FUT8: variants seen among roughly 807,000 people sequenced by gnomAD.
The protein encoded by FUT8 is fucosyltransferase 8, also known as alpha-(1,6)-fucosyltransferase.
A neutral mutation model predicts 71.3 loss-of-function variants in FUT8; 29 were observed. The ratio of observed to expected loss-of-function variants is 0.41; its 90% CI spans 0.30 to 0.55. FUT8 has a LOEUF of 0.55. Among genes scored for constraint, FUT8 ranks in the 20% least tolerant of loss-of-function variants. FUT8 has a pLI of 0.34. For missense variants in FUT8, 544 were observed against 702.1 expected (o/e 0.77, Z 2.55); for synonymous variants, 254 against 239.3 (o/e 1.06, Z -0.57).
intron 2 of FUT8, among the ~76,000 whole-genome samples, chr14:65,506,911 TACACTGAC>T (rs1221152183): frequency 6.6e-6 from 1 of 152,206 alleles, no homozygotes; most frequent in African/African-American, 2.4e-5. Context: ...ATGAATAAAG[TACACTGAC>T]ACACAGATAT....
At chr14:65,719,776 C>G (rs2139345432) in intron 7 of FUT8, among the ~76,000 whole-genome samples, 1 of 152,336 alleles carries the variant, frequency 6.6e-6, no homozygotes, top group Admixed American at 6.5e-5. Context: ...AGCAGAGACT[C>G]TTGTTCTCTT....
intron 3 of FUT8, among the ~76,000 whole-genome samples, chr14:65,565,383 CTTTT>C (rs757245557): frequency 6.9e-6 from 1 of 145,450 alleles, no homozygotes; most frequent in Non-Finnish European, 1.5e-5. Context: ...AGATATATCA[CTTTT>C]TTTTTTTTAA....
At position 65,621,907 on chromosome 14, in the gene FUT8, C is replaced by T. The variant is rs552703441; in HGVS notation, c.482+5534C>T. On this transcript the variant is annotated intron_variant, in intron 5 of 10. Transcript: ENST00000673929. Reference sequence around the variant, plus strand: ...TGGCACGATCTTGGCTCACTGCAACCTCCGCCTCCCAGGTTCAAGCAATTC... The same window carrying T: ...TGGCACGATCTTGGCTCACTGCAACTTCCGCCTCCCAGGTTCAAGCAATTC... Among the ~76,000 whole-genome samples the T allele has an allele frequency of 4.6e-5, 7 of 152,238 alleles. No homozygotes were observed. The East Asian group carries it at 1.4e-3, about 29-fold the overall frequency.
rs114754736 is a variant in FUT8, at chr14:65,509,304, G to A, written c.-227-52033G>A. 6.9e-3 allele frequency among the ~76,000 whole-genome samples: 1,044 copies of A among 152,136 alleles called. 10 individuals carry two copies. The highest frequency in any genetic ancestry group is 0.024 in the African/African-American group (992 of 41,520). ...GTGCCTGTTTTTATGCCAGTACCAT[G>A]TTGTTTTGTTTATTATAGCTCTGTA... is the stretch of plus-strand genomic sequence containing the variant. On this transcript the variant is annotated intron_variant, in intron 2 of 10. Transcript: ENST00000673929.
intron 7 of FUT8, among the ~76,000 whole-genome samples, chr14:65,674,480 A>T (rs575821007): frequency 1.3e-5 from 2 of 152,342 alleles, no homozygotes; most frequent in East Asian, 3.9e-4. Context: ...TTTTATTCTG[A>T]GATGAAAATC....
At position 65,722,041 on chromosome 14, in the gene FUT8, C is replaced by T. The variant is rs1895443633; in HGVS notation, c.1082+20C>T. ...TATTGGGTAAGAATCTGATTTTTTC[C>T]CTCAAACTGTGATATGTAGTAGTTA... is the stretch of plus-strand genomic sequence containing the variant. On this transcript the variant is annotated intron_variant, in intron 8 of 10. Transcript: ENST00000673929. 6.2e-7 allele frequency: 1 copy of T among 1,612,012 alleles called. No homozygotes were observed. The highest frequency in any genetic ancestry group is 8.5e-7 in the Non-Finnish European group (1 of 1,179,666).
chr14:65,402,496 G>A, the FUT8 span, among the ~76,000 whole-genome samples: 8 of 151,088 alleles, frequency 5.3e-5, no homozygotes, highest in Admixed American at 3.3e-4. Context: ...GTGAAACCCC[G>A]TCTCTACTAA....
intron 7 of FUT8, among the ~76,000 whole-genome samples, chr14:65,703,501 A>G (rs1057400632): frequency 2.0e-5 from 3 of 152,266 alleles, no homozygotes; most frequent in South Asian, 2.1e-4. Context: ...AGTATTAATT[A>G]GCTCTCTTTC....
upstream of FUT8, chr14:65,411,964 G>A (rs1231300652): frequency 4.4e-6 from 2 of 453,626 alleles, no homozygotes; most frequent in Non-Finnish European, 8.9e-6. Flanking sequence ...TCTGCATCGC[G>A]GGCGCCGGGA....
intron 3 of FUT8, among the ~76,000 whole-genome samples, chr14:65,575,232 C>T (rs1886692732): frequency 1.3e-5 from 2 of 151,360 alleles, no homozygotes; most frequent in Admixed American, 1.3e-4. Flanking sequence ...AGTTCCTTTC[C>T]TCTCTCTCCC....
intron 7 of FUT8, among the ~76,000 whole-genome samples, chr14:65,689,319 T>C (rs755078759): frequency 6.6e-6 from 1 of 152,240 alleles, no homozygotes; most frequent in Non-Finnish European, 1.5e-5. Flanking sequence ...AGATGTCTGC[T>C]CAGGTCTTTT....
intron 2 of FUT8, among the ~76,000 whole-genome samples, chr14:65,520,986 T>A (rs914400877): frequency 7.9e-5 from 12 of 152,128 alleles, no homozygotes; most frequent in South Asian, 4.1e-4. Flanking sequence ...TTTCTTTCTC[T>A]TTTTTACTTT....
chr14:65,588,410 C>G (rs1056628184), intron 3 of FUT8, among the ~76,000 whole-genome samples: 5 of 152,176 alleles, frequency 3.3e-5, no homozygotes, highest in Non-Finnish European at 7.4e-5. Flanking sequence ...TTGCTATGGT[C>G]TAAACTCTCA....
chr14:65,564,894 T>C (rs954802418), intron 3 of FUT8, among the ~76,000 whole-genome samples: 1 of 152,066 alleles, frequency 6.6e-6, no homozygotes, highest in Non-Finnish European at 1.5e-5. Flanking sequence ...TTATTCTTTT[T>C]AAATGTTGAG....
At chr14:65,491,345 G>A (rs2066479517) in intron 2 of FUT8, among the ~76,000 whole-genome samples, 3 of 152,136 alleles carry the variant, frequency 2.0e-5, no homozygotes, top group Admixed American at 6.6e-5. Context: ...TATGAGCTCA[G>A]TAATGACAAT....
intron 2 of FUT8, among the ~76,000 whole-genome samples, chr14:65,490,461 A>T (rs951811751): frequency 1.3e-5 from 2 of 152,136 alleles, no homozygotes; most frequent in African/African-American, 4.8e-5. Flanking sequence ...ACTACTGAGA[A>T]GGGTAATAGT....
intron 6 of FUT8, among the ~76,000 whole-genome samples, chr14:65,640,249 A>G (rs1433358660): frequency 6.6e-6 from 1 of 151,302 alleles, no homozygotes; most frequent in African/African-American, 2.4e-5. Flanking sequence ...AATGGATCTA[A>G]GAAGAAAAGA....
intron 3 of FUT8, among the ~76,000 whole-genome samples, chr14:65,601,915 G>A (rs1888307898): frequency 6.6e-6 from 1 of 152,078 alleles, no homozygotes; most frequent in Admixed American, 6.6e-5. Flanking sequence ...ATTTGCTTCA[G>A]ATTGCTAGAA....
chr14:65,547,175 T>G (rs922922968), intron 2 of FUT8, among the ~76,000 whole-genome samples: 6 of 151,686 alleles, frequency 4.0e-5, no homozygotes, highest in African/African-American at 7.2e-5. Flanking sequence ...TTTAATTTTA[T>G]TGATCACTTC....
Sources: allele counts gnomAD v4.1 joint callset (sites outside exome capture counted in the v4.1 genomes callset), GRCh38; gene constraint gnomAD v4.1.1; transcripts MANE v1.5; gene names NCBI Gene and HGNC (gene_info 2026-07-23, HGNC 2026-07-21).